KCNJ5: variants seen among roughly 807,000 people sequenced by gnomAD.
KCNJ5 encodes potassium inwardly rectifying channel subfamily J member 5.
In KCNJ5, 12 loss-of-function variants were observed where a neutral mutation model predicts 20.2. The ratio of observed to expected loss-of-function variants is 0.59; its 90% CI spans 0.38 to 0.96. The LOEUF (loss-of-function observed/expected upper bound fraction) is 0.96. Ranked by LOEUF, KCNJ5 falls within the 40% of genes least tolerant of loss-of-function variation. KCNJ5 has a pLI of 0.00. For synonymous variants in KCNJ5, 210 were observed against 213.9 expected (o/e 0.98, Z 0.16); for missense variants, 449 against 557.6 (o/e 0.81, Z 1.96).
At chr11:128,912,695 G>C (rs2001786) in intron 2 of KCNJ5, among the ~76,000 whole-genome samples, 5,040 of 152,208 alleles carry the variant, frequency 0.033, 399 homozygotes, top group South Asian at 0.24. Context: ...ATTTTTAGTA[G>C]AGACAGGGTT....
At chr11:128,908,747 T>A (rs1271209686) in intron 1 of KCNJ5, among the ~76,000 whole-genome samples, 6 of 152,214 alleles carry the variant, frequency 3.9e-5, no homozygotes, top group Non-Finnish European at 8.8e-5. Flanking sequence ...TGACTCATTC[T>A]TGTGGCACTG....
chr11:128,904,711 G>A (rs1290334209), intron 1 of KCNJ5: 3 of 600,082 alleles, frequency 5.0e-6, no homozygotes, highest in Non-Finnish European at 9.0e-6. Context: ...TATCCCCAGA[G>A]CTCAACATAA....
At chr11:128,910,402 C>A (rs1392121346) in intron 1 of KCNJ5, among the ~76,000 whole-genome samples, 1 of 152,174 alleles carries the variant, frequency 6.6e-6, no homozygotes, top group East Asian at 1.9e-4. Context: ...AGCAATTTGT[C>A]ATTTTAATAA....
rs1315814957 is a variant in KCNJ5, at chr11:128,917,315, A to T, written c.*584A>T. On this transcript the variant is annotated 3_prime_UTR_variant, in exon 3 of 3. Coordinates refer to ENST00000529694, the MANE Select transcript of KCNJ5 (RefSeq NM_000890.5). ...ACAGCCCTTGGTGTTCTCTGCTGTTATCTGCCAAATGTGTGTGTTTTTCCT... is the reference window on the plus strand; with the variant it reads ...ACAGCCCTTGGTGTTCTCTGCTGTTTTCTGCCAAATGTGTGTGTTTTTCCT... The T allele has an allele frequency of 6.5e-6, 1 of 153,288 alleles. No homozygotes were observed. The highest frequency in any genetic ancestry group is 1.9e-4 in the East Asian group (1 of 5,200). 9.5% of individuals were successfully genotyped at this position (153,288 alleles called of 1,614,324 possible). A position where few individuals can be genotyped will look rare whatever the true frequency, so the allele number is the denominator to read the frequency against.
At position 128,911,791 on chromosome 11, in the gene KCNJ5, T is replaced by C; in HGVS notation, c.518T>C (p.Ile173Thr). ...ATTATACTCCTCTTGGTCCAGGCCA[T>C]CCTGGGCTCCATCGTCAATGCCTTC... The part of the protein sequence containing the change: ...EGIILLLVQA[I>T]LGSIVNAFMV... The change falls in exon 2 of 3, where the codon ATC becomes ACC. Residue 173 changes from isoleucine to threonine, a missense_variant. By Grantham distance (89) the Ile-to-Thr change is moderately conservative. Coordinates refer to ENST00000529694, the MANE Select transcript of KCNJ5 (RefSeq NM_000890.5). The surrounding 1 kb of genome is among the most constrained non-coding windows in gnomAD (Gnocchi z 6.3). 6.2e-7 allele frequency: 1 copy of C among 1,614,214 alleles called. No homozygotes were observed.
chr11:128,913,913 C>T (rs1171770871), intron 2 of KCNJ5, among the ~76,000 whole-genome samples: 1 of 152,208 alleles, frequency 6.6e-6, no homozygotes, highest in Admixed American at 6.5e-5. Flanking sequence ...GGACTCAGAC[C>T]CAGACTGCAC....
At position 128,911,780 on chromosome 11, in the gene KCNJ5, G is replaced by T. The variant is rs374006210; in HGVS notation, c.507G>T (p.Leu169Phe). ...EKCPEGIILLLVQAILGSIVN... is the reference protein window; with the variant it reads ...EKCPEGIILLFVQAILGSIVN... Reference sequence around the variant, plus strand: ...GTCCAGAGGGGATTATACTCCTCTTGGTCCAGGCCATCCTGGGCTCCATCG... The same window carrying T: ...GTCCAGAGGGGATTATACTCCTCTTTGTCCAGGCCATCCTGGGCTCCATCG... Residue 169 changes from leucine to phenylalanine, a missense_variant, in exon 2 of 3, where the codon TTG (leucine) becomes TTT (phenylalanine). Transcript: ENST00000529694. The surrounding 1 kb of genome is among the most constrained non-coding windows in gnomAD (Gnocchi z 6.3). 4 of 1,614,202 alleles carry T rather than the reference G, an allele frequency of 2.5e-6. No individual in the cohort carries two copies. The highest frequency in any genetic ancestry group is 2.5e-6 in the Non-Finnish European group (3 of 1,180,050).
intron 2 of KCNJ5, 28 bp from the exon 3 acceptor site, chr11:128,916,381 A>G (rs1360607859): frequency 5.9e-6 from 9 of 1,531,038 alleles, no homozygotes; most frequent in Non-Finnish European, 8.1e-6. Flanking sequence ...TGATTGCATC[A>G]TAATGCATGT....
rs1045073130 is a variant in KCNJ5, at chr11:128,918,103, C to G, written c.*1372C>G. The G allele has an allele frequency of 1.0e-4, 16 of 152,560 alleles. No individual in the cohort carries two copies. The highest frequency in any genetic ancestry group is 3.6e-4 in the African/African-American group (15 of 41,516). The allele number at this position is 152,560 out of a possible 1,614,324, so 9.5% of individuals were successfully genotyped here. A position where few individuals can be genotyped will look rare whatever the true frequency, so the allele number is the denominator to read the frequency against. ...CTGCCCCAGTTGTGGCCAAGACACT[C>G]TGACCTCAGGGCTCAGCACCTTCAC... On this transcript the variant is annotated 3_prime_UTR_variant, in exon 3 of 3. Coordinates refer to ENST00000529694, the MANE Select transcript of KCNJ5 (RefSeq NM_000890.5).
At chr11:128,901,616 T>A (rs1168757054) in intron 1 of KCNJ5, 1 of 152,240 alleles carries the variant, frequency 6.6e-6, no homozygotes, top group African/African-American at 2.4e-5. Context: ...GGGAGCAACC[T>A]CAGTCCTGCA....
At position 128,911,121 on chromosome 11, in the gene KCNJ5, C is replaced by T. The variant is rs1217277587; in HGVS notation, c.-10-143C>T. The stretch of plus-strand genomic sequence containing the variant: ...AAGAACCCTATAAGAGAGTGAGGCC[C>T]CTGCCCTTGAGGATTTCACGCCCTG... On this transcript the variant is annotated intron_variant, in intron 1 of 2. Transcript: ENST00000529694. The surrounding 1 kb of genome is among the most constrained non-coding windows in gnomAD (Gnocchi z 6.3). 1 of 695,836 alleles carries T rather than the reference C, an allele frequency of 1.4e-6. No homozygotes were observed. The highest frequency in any genetic ancestry group is 2.1e-5 in the Admixed American group (1 of 46,568). 43.1% of individuals were successfully genotyped at this position (695,836 alleles called of 1,614,324 possible).
Position 128,911,495 on chromosome 11 carries a change from G to C in KCNJ5, c.222G>C (p.Leu74=). 1.2e-6 allele frequency: 2 copies of C among 1,614,250 alleles called. No homozygotes were observed. Among genetic ancestry groups the C allele is most frequent in the South Asian group, 1.1e-5 (1 of 91,084 alleles). Residue 74 remains leucine (L), a synonymous_variant, in exon 2 of 3, where the codon CTG becomes CTC. Transcript: ENST00000529694. This position sits in a 1 kb window ranked among gnomAD's most constrained non-coding sequence, Gnocchi z 6.3. ...ACGTCCAGGAGACCTACCGGTACCTGAGTGACCTCTTCACCACCCTGGTGG... is the reference window on the plus strand; with the variant it reads ...ACGTCCAGGAGACCTACCGGTACCTCAGTGACCTCTTCACCACCCTGGTGG... ...HGNVQETYRY[L]SDLFTTLVDL... is the part of the protein sequence containing the mutation.
Position 128,920,441 on chromosome 11 carries a change from C to T in KCNJ5, c.*3710C>T, listed in dbSNP as rs563265719. 1 of 152,374 alleles carries T rather than the reference C, an allele frequency of 6.6e-6. No individual in the cohort carries two copies. Among genetic ancestry groups the T allele is most frequent in the South Asian group, 2.1e-4 (1 of 4,830 alleles). The allele number at this position is 152,374 out of a possible 1,614,324, so 9.4% of individuals were successfully genotyped here. ...ACACCCCTTATCTCACGGCTTGCTT[C>T]CAGCCCCCATCAATCCTGTGCCTCA... On this transcript the variant is annotated 3_prime_UTR_variant, in exon 3 of 3. Coordinates refer to ENST00000529694, the MANE Select transcript of KCNJ5 (RefSeq NM_000890.5).
At chr11:128,904,579 T>C (rs11221507) in intron 1 of KCNJ5, 72,416 of 955,718 alleles carry the variant, frequency 0.076, 3,464 homozygotes, top group Non-Finnish European at 0.099. Context: ...CTGCGGCTTC[T>C]TAGCAAAACC....
At chr11:128,914,383 C>T (rs1013563372) in intron 2 of KCNJ5, among the ~76,000 whole-genome samples, 1 of 152,178 alleles carries the variant, frequency 6.6e-6, no homozygotes. Flanking sequence ...AAGTCAGGGG[C>T]CCGCCATTCA....
chr11:128,908,149 G>C (rs923147379), intron 1 of KCNJ5, among the ~76,000 whole-genome samples: 1 of 152,234 alleles, frequency 6.6e-6, no homozygotes, highest in African/African-American at 2.4e-5. Context: ...ATTTGTCTTA[G>C]ATAATCTCTA....
rs965086562 is a variant in KCNJ5, at chr11:128,918,268, C to T, written c.*1537C>T. ...TGGGGAAGGCAAAGGGAATGGCTGC[C>T]CCTCCCAGGCTGGAAACAAGAGGGC... On this transcript the variant is annotated 3_prime_UTR_variant, in exon 3 of 3. Coordinates refer to ENST00000529694, the MANE Select transcript of KCNJ5 (RefSeq NM_000890.5). The T allele has an allele frequency of 6.6e-6, 1 of 152,140 alleles. No individual in the cohort carries two copies. The highest frequency in any genetic ancestry group is 2.4e-5 in the African/African-American group (1 of 41,410). 9.4% of individuals were successfully genotyped at this position (152,140 alleles called of 1,614,324 possible).
At position 128,917,240 on chromosome 11, in the gene KCNJ5, T is replaced by C. The variant is rs918042274; in HGVS notation, c.*509T>C. On this transcript the variant is annotated 3_prime_UTR_variant, in exon 3 of 3. Transcript: ENST00000529694. ...AGATCCATCCATATCACATAGGCAA[T>C]TCCTTTTAAATCAGATACCAACGAC... 12 of 154,940 alleles carry C rather than the reference T, an allele frequency of 7.7e-5. No individual in the cohort carries two copies. Among genetic ancestry groups the C allele is most frequent in the Admixed American group, 7.0e-4 (11 of 15,740 alleles). 9.6% of individuals were successfully genotyped at this position (154,940 alleles called of 1,614,324 possible). A position where few individuals can be genotyped will look rare whatever the true frequency, so the allele number is the denominator to read the frequency against.
chr11:128,894,643 T>G (rs1270074226), intron 1 of KCNJ5, among the ~76,000 whole-genome samples: 1 of 152,254 alleles, frequency 6.6e-6, no homozygotes, highest in Non-Finnish European at 1.5e-5. Flanking sequence ...TAAGAATACC[T>G]GAGTGTATTT....
Sources: gnomAD v4.1 joint callset for allele counts (sites outside exome capture counted in the v4.1 genomes callset) on GRCh38, gnomAD v4.1.1 for gene constraint, Gnocchi (gnomAD v3.1) non-coding constraint, MANE v1.5 for transcripts, NCBI Gene and HGNC (gene_info 2026-07-23, HGNC 2026-07-21) for gene names.